The following PLCZ1 variants were observed in gnomAD, a reference collection of about 807,000 sequenced individuals.
PLCZ1 encodes phospholipase C zeta 1, also known as 1-phosphatidylinositol 4,5-bisphosphate phosphodiesterase zeta-1.
A neutral mutation model predicts 76.8 loss-of-function variants in PLCZ1; 64 were observed. That is an observed-to-expected ratio of 0.83 (90% CI 0.68 to 1.03). PLCZ1 has a LOEUF of 1.03. Among genes scored for constraint, PLCZ1 ranks in the 50% least tolerant of loss-of-function variants. The pLI, the probability that PLCZ1 is intolerant of heterozygous loss-of-function variation, is 0.00. For synonymous variants in PLCZ1, 248 were observed against 230.8 expected, an observed-to-expected ratio of 1.07 and a Z score of -0.68; for missense variants, 751 against 713.7, an observed-to-expected ratio of 1.05 and a Z score of -0.60.
At chr12:18,699,994 TG>T in intron 9 of PLCZ1, 44 bp from the exon 10 acceptor site, 1 of 1,556,694 alleles carries the variant, frequency 6.4e-7, no homozygotes, top group Non-Finnish European at 8.7e-7. Context: ...TGCTAATCAT[TG>T]GGAAAAAAAA....
chr12:18,700,091 T>G, intron 9 of PLCZ1, 141 bp from the exon 10 acceptor site: 2 of 701,902 alleles, frequency 2.8e-6, no homozygotes, highest in Non-Finnish European at 4.8e-6. Context: ...TTTGATTAAC[T>G]CAATATGATT....
chr12:18,677,034 A>G, the PLCZ1 span, among the ~76,000 whole-genome samples: 447 of 152,238 alleles, frequency 2.9e-3, 4 homozygotes, highest in African/African-American at 9.9e-3. Context: ...CAATATAAAG[A>G]TGAATGAGAG....
intron 5 of PLCZ1, 115 bp from the exon 6 acceptor site, chr12:18,713,101 A>AT: frequency 4.5e-6 from 6 of 1,336,524 alleles, no homozygotes; most frequent in Non-Finnish European, 5.2e-6. Context: ...AAATGAGTCC[A>AT]TAAAACTCTA....
chr12:18,733,965 A>G lies in PLCZ1; in HGVS notation c.135+2256T>C, dbSNP rs190378766. 7.6e-3 allele frequency among the ~76,000 whole-genome samples: 1,151 copies of G among 152,244 alleles called. 12 individuals are homozygous for G. The highest frequency in any genetic ancestry group is 0.026 in the African/African-American group (1,101 of 41,552). ...GTTATTCAGGGTCTTTTTTGATTCCAATATGAATTTTAGGATTGTTTCTTC... is the reference window on the plus strand; with the variant it reads ...GTTATTCAGGGTCTTTTTTGATTCCGATATGAATTTTAGGATTGTTTCTTC... On this transcript the variant is annotated intron_variant, in intron 3 of 14. Coordinates refer to ENST00000266505, the MANE Select transcript of PLCZ1 (RefSeq NM_033123.4).
chr12:18,649,900 C>G, the PLCZ1 span, among the ~76,000 whole-genome samples: 17,583 of 152,036 alleles, frequency 0.12, 1,276 homozygotes, highest in African/African-American at 0.2. Context: ...TCTTAGTCTT[C>G]TGTGTGGGAG....
At position 18,693,724 on chromosome 12, in the gene PLCZ1, G is replaced by A. The variant is rs1377668820; in HGVS notation, c.1461+1186C>T. On this transcript the variant is annotated intron_variant, in intron 12 of 14. Transcript: ENST00000266505. ...CAACGTTGGAACTGCTGAACCAGTT[G>A]GATGGATTTGATTCTAGGGTAGATG... The A allele has an allele frequency of 1.5e-4, 230 of 1,547,082 alleles. 2 individuals carry two copies. Among genetic ancestry groups the A allele is most frequent in the Non-Finnish European group, 1.3e-4 (144 of 1,120,444 alleles).
the PLCZ1 span, among the ~76,000 whole-genome samples, chr12:18,662,078 G>A: frequency 2.6e-5 from 4 of 152,066 alleles, no homozygotes; most frequent in Admixed American, 2.6e-4. Flanking sequence ...TAAATCTTGA[G>A]TACACATGGA....
At chr12:18,721,517 T>C (rs1213955547) in intron 4 of PLCZ1, among the ~76,000 whole-genome samples, 1 of 152,026 alleles carries the variant, frequency 6.6e-6, no homozygotes, top group African/African-American at 2.4e-5. Context: ...ACTGCCTCCA[T>C]CCCAACATCT....
chr12:18,683,372 G>T (rs376639088), intron 14 of PLCZ1, 48 bp from the exon 15 acceptor site: 13 of 1,572,898 alleles, frequency 8.3e-6, no homozygotes, highest in Non-Finnish European at 1.1e-5. Context: ...ATTAATCAGT[G>T]GTGTCTCCAA....
In PLCZ1 at chr12:18,688,215, T is replaced by C. The variant is rs757326350; in HGVS notation, c.1465A>G (p.Ile489Val). ...GMPITLTIRL[I>V]SGIQLPLTHS... is the part of the protein sequence containing the mutation. ...GTAAGAGGCAACTGGATACCACTGA[T>C]GAGCTGCACAAATATATATGAATAT... is the stretch of plus-strand genomic sequence containing the variant. The change falls in exon 13 of 15, where the codon ATC (isoleucine) becomes GTC (valine). Residue 489 changes from isoleucine (I) to valine (V), a missense_variant. Ile to Val is a conservative substitution (Grantham distance 29). Coordinates refer to ENST00000266505, the MANE Select transcript of PLCZ1 (RefSeq NM_033123.4). The C allele has an allele frequency of 1.2e-6, 2 of 1,607,294 alleles. No homozygotes were observed. The highest frequency in any genetic ancestry group is 2.2e-5 in the South Asian group (2 of 90,748).
In PLCZ1 at chr12:18,737,393, G is replaced by C; in HGVS notation, c.-22C>G. 6.2e-7 allele frequency: 1 copy of C among 1,613,736 alleles called. No homozygotes were observed. ...CCATAGTTTCATGACCTGTAGAGCC[G>C]TTTCTCCTCACTTAGAAGTCTTTCC... is the stretch of plus-strand genomic sequence containing the variant. On this transcript the variant is annotated 5_prime_UTR_variant, in exon 2 of 15. Transcript: ENST00000266505.
intron 12 of PLCZ1, chr12:18,693,254 G>C: frequency 6.5e-7 from 1 of 1,542,742 alleles, no homozygotes; most frequent in African/African-American, 1.4e-5. Context: ...TGCATACCAT[G>C]ATAGGGGTGC....
chr12:18,678,300 G>A (rs1032125791), downstream of PLCZ1, among the ~76,000 whole-genome samples: 2 of 152,048 alleles, frequency 1.3e-5, no homozygotes, highest in African/African-American at 4.8e-5. Flanking sequence ...GTGCTCAAAA[G>A]AAAGCCAGAA....
At position 18,683,262 on chromosome 12, in the gene PLCZ1, C is replaced by G; in HGVS notation, c.1804G>C (p.Val602Leu). 6.2e-7 allele frequency: 1 copy of G among 1,612,370 alleles called. No individual in the cohort carries two copies. Among genetic ancestry groups the G allele is most frequent in the Non-Finnish European group, 8.5e-7 (1 of 1,178,870 alleles). Reference sequence around the variant, plus strand: ...TGTTATCTGACGTACCAAACATAAACAAACAGTGAAGCAGGCTCAAGGCTC... The same window carrying G: ...TGTTATCTGACGTACCAAACATAAAGAAACAGTGAAGCAGGCTCAAGGCTC... Reference protein sequence around the residue: ...GESLEPASLFVYVWYVR With the variant: ...GESLEPASLFLYVWYVR Residue 602 changes from valine to leucine, a missense_variant, in exon 15 of 15, where the codon GTT becomes CTT. Coordinates refer to ENST00000266505, the MANE Select transcript of PLCZ1 (RefSeq NM_033123.4).
intron 13 of PLCZ1, 131 bp downstream of exon 13, chr12:18,687,958 A>G: frequency 8.2e-7 from 1 of 1,225,340 alleles, no homozygotes; most frequent in Non-Finnish European, 1.1e-6. Flanking sequence ...ACATTTTGCT[A>G]ATTTTGGACA....
Position 18,734,046 on chromosome 12 carries a change from G to C in PLCZ1, c.135+2175C>G, listed in dbSNP as rs12828031. ...TTGGGATTTTAGTAGGGATTACATT[G>C]AATCTATAGATCACCTTGGGTAGTA... On this transcript the variant is annotated intron_variant, in intron 3 of 14. Coordinates refer to ENST00000266505, the MANE Select transcript of PLCZ1 (RefSeq NM_033123.4). Among the ~76,000 whole-genome samples the C allele has an allele frequency of 7.0e-3, 1,063 of 152,190 alleles. 6 individuals are homozygous for C. Among genetic ancestry groups the C allele is most frequent in the South Asian group, 0.014 (67 of 4,812 alleles).
At chr12:18,732,467 T>G (rs1190495078) in intron 3 of PLCZ1, among the ~76,000 whole-genome samples, 1 of 152,120 alleles carries the variant, frequency 6.6e-6, no homozygotes, top group Non-Finnish European at 1.5e-5. Flanking sequence ...TTATAACTTT[T>G]GTGTGTGATA....
chr12:18,653,173 A>C, the PLCZ1 span, among the ~76,000 whole-genome samples: 1 of 152,174 alleles, frequency 6.6e-6, no homozygotes, highest in Non-Finnish European at 1.5e-5. Flanking sequence ...GCAGTAGCAG[A>C]GACCCACTCC....
At chr12:18,653,888 T>A in the PLCZ1 span, among the ~76,000 whole-genome samples, 1 of 152,086 alleles carries the variant, frequency 6.6e-6, no homozygotes, top group African/African-American at 2.4e-5. Context: ...CTGAGATTAT[T>A]GCATGCCCCA....
Sources: allele counts gnomAD v4.1 joint callset (sites outside exome capture counted in the v4.1 genomes callset), GRCh38; gene constraint gnomAD v4.1.1; transcripts MANE v1.5; gene names NCBI Gene and HGNC (gene_info 2026-07-23, HGNC 2026-07-21).